The following COMMD6 variants were observed in gnomAD, a reference collection of about 807,000 sequenced individuals.
COMMD6 encodes the protein COMM domain containing 6, also known as COMM domain-containing protein 6.
In COMMD6, 11 loss-of-function variants were observed where a neutral mutation model predicts 13.4. The ratio of observed to expected loss-of-function variants is 0.82; its 90% CI spans 0.52 to 1.36. The LOEUF (loss-of-function observed/expected upper bound fraction) is 1.36, where lower values mean the gene tolerates loss of function less well. Ranked by LOEUF, COMMD6 falls within the 40% of genes most tolerant of loss-of-function variation. COMMD6 has a pLI of 0.00. For missense variants in COMMD6, 124 were observed against 102.4 expected (o/e 1.21, Z -0.91); for synonymous variants, 43 against 36.5 (o/e 1.18, Z -0.64).
intron 1 of COMMD6, among the ~76,000 whole-genome samples, chr13:75,545,906 C>T (rs2030898846): frequency 6.6e-6 from 1 of 152,166 alleles, no homozygotes; most frequent in African/African-American, 2.4e-5. Context: ...TCTATATTTA[C>T]TATGGTTAAT....
chr13:75,531,173 G>T (rs1404838957), intron 2 of COMMD6, among the ~76,000 whole-genome samples: 1 of 152,098 alleles, frequency 6.6e-6, no homozygotes, highest in African/African-American at 2.4e-5. Flanking sequence ...GAAAAGTTAG[G>T]ATTTTTGTAA....
Position 75,525,233 on chromosome 13 carries a change from A to G in COMMD6, c.*1356T>C, listed in dbSNP as rs1471176330. On this transcript the variant is annotated 3_prime_UTR_variant, in exon 4 of 4. Transcript: ENST00000682242. Reference sequence around the variant, plus strand: ...AAAGACAAACATGCAATTTAAATTTATTTCAAATCTGCTACCCACAGTGTT... The same window carrying G: ...AAAGACAAACATGCAATTTAAATTTGTTTCAAATCTGCTACCCACAGTGTT... The G allele has an allele frequency of 6.6e-6, 1 of 152,146 alleles. No homozygotes were observed. Among genetic ancestry groups the G allele is most frequent in the East Asian group, 1.9e-4 (1 of 5,204 alleles). 9.4% of individuals were successfully genotyped at this position (152,146 alleles called of 1,614,324 possible).
upstream of COMMD6, among the ~76,000 whole-genome samples, chr13:75,541,662 G>A (rs1167426104): frequency 6.6e-6 from 1 of 151,906 alleles, no homozygotes; most frequent in Non-Finnish European, 1.5e-5. Context: ...AAGTAAAAGG[G>A]GTGAAAAGCC....
intron 1 of COMMD6, among the ~76,000 whole-genome samples, chr13:75,545,214 G>A (rs759539669): frequency 3.3e-5 from 5 of 152,204 alleles, no homozygotes; most frequent in Non-Finnish European, 5.9e-5. Context: ...ATATAAGATG[G>A]TGAGTAGTCA....
At chr13:75,530,464 T>C in intron 2 of COMMD6, 198 bp from the exon 3 acceptor site, 1 of 374,290 alleles carries the variant, frequency 2.7e-6, no homozygotes, top group Non-Finnish European at 4.7e-6. Context: ...ATATAAACAG[T>C]TAAAAAACAC....
intron 2 of COMMD6, among the ~76,000 whole-genome samples, chr13:75,534,786 T>C (rs1360449618): frequency 1.3e-5 from 2 of 152,194 alleles, no homozygotes; most frequent in Non-Finnish European, 2.9e-5. Flanking sequence ...TAAAAATTGA[T>C]GTGGAGGCTG....
At chr13:75,540,020 G>C (rs140709763), upstream of COMMD6, among the ~76,000 whole-genome samples, 1,826 of 149,278 alleles carry the variant, frequency 0.012, 16 homozygotes, top group Non-Finnish European at 0.021. Flanking sequence ...GCCCAGGCTG[G>C]AGTGCAGTGG....
At chr13:75,536,339 T>C (rs1405059054) in intron 2 of COMMD6, among the ~76,000 whole-genome samples, 1 of 152,236 alleles carries the variant, frequency 6.6e-6, no homozygotes, top group African/African-American at 2.4e-5. Flanking sequence ...AATCATATAA[T>C]CTGTGAATGA....
At chr13:75,530,036 G>A (rs1047981780) in intron 3 of COMMD6, 78 bp downstream of exon 3, 17 of 1,180,238 alleles carry the variant, frequency 1.4e-5, no homozygotes, top group African/African-American at 7.7e-5. Flanking sequence ...AAGTTTTCCC[G>A]TAGAAAGATT....
In COMMD6 at chr13:75,525,996, T is replaced by C. The variant is rs1262831000; in HGVS notation, c.*593A>G. 4.6e-5 allele frequency: 7 copies of C among 152,380 alleles called. No individual in the cohort carries two copies. In the East Asian group the frequency reaches 9.6e-4, roughly 21 times the overall value. The allele number at this position is 152,380 out of a possible 1,614,324, so 9.4% of individuals were successfully genotyped here. ...AAACTCGTCTTTCCAACTCTGCGTA[T>C]GTATTTGAACTTTCTACAACCATTA... is the stretch of plus-strand genomic sequence containing the variant. On this transcript the variant is annotated 3_prime_UTR_variant, in exon 4 of 4. Transcript: ENST00000682242.
intron 1 of COMMD6, among the ~76,000 whole-genome samples, chr13:75,545,566 C>G (rs7329512): frequency 0.8 from 120,549 of 151,496 alleles, 48,819 homozygotes; most frequent in Middle Eastern, 0.91. Context: ...TCCGCCTCCT[C>G]GGTTCACACC....
upstream of COMMD6, chr13:75,538,069 T>A: frequency 2.4e-6 from 1 of 411,428 alleles, no homozygotes; most frequent in Non-Finnish European, 4.3e-6. Context: ...AAATTTAGGA[T>A]GCCGCTTCCC....
In COMMD6 at chr13:75,526,383, A is replaced by G. The variant is rs2030255891; in HGVS notation, c.*206T>C. ...AGTATATCCTCTAAAGTGTCTAATT[A>G]TCACTTTTATAAAGCACATTCACAA... On this transcript the variant is annotated 3_prime_UTR_variant, in exon 4 of 4. Coordinates refer to ENST00000682242, the MANE Select transcript of COMMD6 (RefSeq NM_203495.4). The G allele has an allele frequency of 2.1e-6, 1 of 482,594 alleles. No individual in the cohort carries two copies. 29.9% of individuals were successfully genotyped at this position (482,594 alleles called of 1,614,324 possible).
At chr13:75,539,269 C>T (rs2030782121), upstream of COMMD6, among the ~76,000 whole-genome samples, 1 of 150,830 alleles carries the variant, frequency 6.6e-6, no homozygotes, top group South Asian at 2.1e-4. Flanking sequence ...AAAAGACACT[C>T]ACTCTGTCAC....
intron 1 of COMMD6, 26 bp downstream of exon 1, chr13:75,537,738 C>T: frequency 6.2e-7 from 1 of 1,613,936 alleles, no homozygotes; most frequent in Non-Finnish European, 8.5e-7. Flanking sequence ...CCTCGCTGCC[C>T]ACTCTCCTTC....
At chr13:75,536,984 A>G (rs1051536239) in intron 2 of COMMD6, among the ~76,000 whole-genome samples, 2 of 152,236 alleles carry the variant, frequency 1.3e-5, no homozygotes, top group African/African-American at 4.8e-5. Context: ...AAGCAAGATC[A>G]GTTAGAGAAA....
chr13:75,539,079 C>T (rs953739418), upstream of COMMD6, among the ~76,000 whole-genome samples: 2 of 152,180 alleles, frequency 1.3e-5, no homozygotes, highest in African/African-American at 2.4e-5. Flanking sequence ...AAGTCCTCCT[C>T]ACACTTTAAA....
At chr13:75,528,163 A>G (rs1052381219) in intron 3 of COMMD6, among the ~76,000 whole-genome samples, 2 of 152,058 alleles carry the variant, frequency 1.3e-5, no homozygotes, top group Non-Finnish European at 2.9e-5. Context: ...GAAACCTTCA[A>G]AATACACAAT....
rs2030257888 is a variant in COMMD6, at chr13:75,526,429, T to C, written c.*160A>G. 1 of 572,412 alleles carries C rather than the reference T, an allele frequency of 1.7e-6. No individual in the cohort carries two copies. Among genetic ancestry groups the C allele is most frequent in the Non-Finnish European group, 3.1e-6 (1 of 322,106 alleles). The allele number at this position is 572,412 out of a possible 1,614,324, so 35.5% of individuals were successfully genotyped here. On this transcript the variant is annotated 3_prime_UTR_variant, in exon 4 of 4. Coordinates refer to ENST00000682242, the MANE Select transcript of COMMD6 (RefSeq NM_203495.4). ...CACAAAGTTTTGCATTCATCACCAC[T>C]ACCCAGTTCCTGTTTGTCTGATTTT...
Sources: gnomAD v4.1 joint callset for allele counts (sites outside exome capture counted in the v4.1 genomes callset) on GRCh38, gnomAD v4.1.1 for gene constraint, MANE v1.5 for transcripts, NCBI Gene and HGNC (gene_info 2026-07-23, HGNC 2026-07-21) for gene names.